SYNE2: variants seen among roughly 807,000 people sequenced by gnomAD.
The protein encoded by SYNE2 is nesprin-2.
SYNE2 carries 431 observed loss-of-function variants against 856.3 expected under a neutral mutation model. The ratio of observed to expected loss-of-function variants is 0.50; its 90% confidence interval spans 0.47 to 0.55. The LOEUF (loss-of-function observed/expected upper bound fraction) is 0.55, where lower values mean the gene tolerates loss of function less well. SYNE2 is among the 20% of genes least tolerant of loss of function. The pLI is 0.00. For synonymous variants in SYNE2, 2,923 were observed against 2,872.3 expected, an observed-to-expected ratio of 1.02 and a Z score of -0.56; for missense variants, 8,129 against 8,023.2, an observed-to-expected ratio of 1.01 and a Z score of -0.50.
At chr14:63,933,201 G>T (rs760612109) in intron 2 of SYNE2, among the ~76,000 whole-genome samples, 1 of 152,088 alleles carries the variant, frequency 6.6e-6, no homozygotes, top group Admixed American at 6.6e-5. Context: ...ATCCTGCATC[G>T]CTCTGCATTT....
chr14:64,064,935 C>T (rs1360135947), intron 50 of SYNE2, among the ~76,000 whole-genome samples: 2 of 150,204 alleles, frequency 1.3e-5, no homozygotes, highest in Non-Finnish European at 2.9e-5. Flanking sequence ...CAGCTCACTG[C>T]AACCCTGCAA....
intron 1 of SYNE2, among the ~76,000 whole-genome samples, chr14:63,769,653 A>T (rs1886825224): frequency 7.9e-6 from 1 of 125,792 alleles, no homozygotes; most frequent in Non-Finnish European, 1.6e-5. Context: ...TGGGCAACAG[A>T]GCGAGACTCC....
intron 82 of SYNE2, 114 bp downstream of exon 82, chr14:64,142,202 G>C: frequency 8.1e-7 from 1 of 1,232,600 alleles, no homozygotes; most frequent in Non-Finnish European, 1.2e-6. Context: ...AATTCTAGGG[G>C]TAGGAAACTG....
chr14:64,025,621 A>G (rs2096971704), intron 41 of SYNE2, among the ~76,000 whole-genome samples, 200 bp downstream of exon 41: 1 of 152,244 alleles, frequency 6.6e-6, no homozygotes, highest in Non-Finnish European at 1.5e-5. Context: ...AAAGACAGAA[A>G]GCATGTCCTG....
At chr14:63,797,738 A>G (rs1035508413) in intron 1 of SYNE2, among the ~76,000 whole-genome samples, 1 of 152,238 alleles carries the variant, frequency 6.6e-6, no homozygotes, top group African/African-American at 2.4e-5. Flanking sequence ...CACCACGCCC[A>G]GCCAGATGTA....
chr14:63,817,794 C>T (rs943954303), intron 1 of SYNE2, among the ~76,000 whole-genome samples: 25 of 149,160 alleles, frequency 1.7e-4, no homozygotes, highest in African/African-American at 6.2e-4. Context: ...GAGGCCAAGG[C>T]AGGAGGATTG....
intron 11 of SYNE2, among the ~76,000 whole-genome samples, chr14:63,970,113 A>T (rs1381477413): frequency 6.6e-6 from 1 of 151,852 alleles, no homozygotes; most frequent in Non-Finnish European, 1.5e-5. Context: ...CTTTTCATCT[A>T]TTTGGAGTCT....
chr14:63,872,561 GC>G (rs1378200597), intron 1 of SYNE2, among the ~76,000 whole-genome samples: 4 of 151,978 alleles, frequency 2.6e-5, no homozygotes, highest in Non-Finnish European at 4.4e-5. Context: ...TTTGAGACCA[GC>G]CTGGCCAATA....
upstream of SYNE2, among the ~76,000 whole-genome samples, chr14:63,850,245 CTTTTT>C (rs34763098): frequency 4.4e-5 from 5 of 112,516 alleles, no homozygotes; most frequent in East Asian, 8.7e-4. Context: ...CCACACCTAG[CTTTTT>C]TTTTTTTTTT....
At chr14:63,783,075 A>G (rs1887373218) in intron 1 of SYNE2, among the ~76,000 whole-genome samples, 2 of 152,020 alleles carry the variant, frequency 1.3e-5, no homozygotes, top group Admixed American at 1.3e-4. Flanking sequence ...TCAAAATCTC[A>G]TCTTTGATTG....
intron 1 of SYNE2, among the ~76,000 whole-genome samples, chr14:63,833,478 A>G (rs1889740670): frequency 6.6e-6 from 1 of 152,204 alleles, no homozygotes; most frequent in South Asian, 2.1e-4. Context: ...ATAACAGACC[A>G]ACTGGCACTT....
chr14:64,110,572 T>C (rs966408270), intron 65 of SYNE2, among the ~76,000 whole-genome samples: 4 of 139,870 alleles, frequency 2.9e-5, no homozygotes, highest in Non-Finnish European at 6.1e-5. Flanking sequence ...GAAATACTTA[T>C]AGTAATACTT....
intron 102 of SYNE2, 99 bp downstream of exon 102, chr14:64,209,677 C>T (rs755223644): frequency 2.0e-6 from 3 of 1,534,718 alleles, no homozygotes; most frequent in Non-Finnish European, 2.7e-6. Flanking sequence ...AGCTTCCCCT[C>T]ACCTCTGGCA....
intron 51 of SYNE2, among the ~76,000 whole-genome samples, chr14:64,068,167 C>T (rs1240369090): frequency 6.6e-6 from 1 of 152,180 alleles, no homozygotes. Context: ...TGTCTTCACA[C>T]TTTTTAGTGT....
chr14:63,810,992 C>G (rs2139826160), intron 1 of SYNE2, among the ~76,000 whole-genome samples: 1 of 152,110 alleles, frequency 6.6e-6, no homozygotes, highest in South Asian at 2.1e-4. Context: ...CCGCCACCAC[C>G]TCCAGCTAAT....
chr14:64,209,730 C>A, intron 102 of SYNE2, 152 bp downstream of exon 102: 1 of 1,229,466 alleles, frequency 8.1e-7, no homozygotes, highest in Non-Finnish European at 1.2e-6. Context: ...GCTGAGACAG[C>A]TTTGCAAGAC....
intron 1 of SYNE2, among the ~76,000 whole-genome samples, chr14:63,907,320 A>G (rs2095420386): frequency 6.6e-6 from 1 of 152,206 alleles, no homozygotes; most frequent in Non-Finnish European, 1.5e-5. Context: ...TCACCTTAGG[A>G]GACACCATCA....
At chr14:63,993,215 T>C (rs1161572999) in intron 21 of SYNE2, among the ~76,000 whole-genome samples, 1 of 152,170 alleles carries the variant, frequency 6.6e-6, no homozygotes, top group Non-Finnish European at 1.5e-5. Flanking sequence ...GCACGATAGT[T>C]AACCTTTCTA....
chr14:63,866,044 C>T lies in SYNE2; in HGVS notation c.-52+12901C>T, dbSNP rs1473605718. 2.6e-5 allele frequency among the ~76,000 whole-genome samples: 4 copies of T among 152,036 alleles called. No individual in the cohort carries two copies. The East Asian group carries it at 7.7e-4, about 29-fold the overall frequency. ...TGAGATTTCTAAGAAATATTTTTTTCCTTATCTCAAATCCTTCCCTGTAGA... is the reference window on the plus strand; with the variant it reads ...TGAGATTTCTAAGAAATATTTTTTTTCTTATCTCAAATCCTTCCCTGTAGA... On this transcript the variant is annotated intron_variant, in intron 1 of 115. Coordinates refer to ENST00000555002, the MANE Select transcript of SYNE2 (RefSeq NM_182914.3).
Sources: gnomAD v4.1 joint callset for allele counts (sites outside exome capture counted in the v4.1 genomes callset) on GRCh38, gnomAD v4.1.1 for gene constraint, MANE v1.5 for transcripts, NCBI Gene and HGNC (gene_info 2026-07-23, HGNC 2026-07-21) for gene names.